XYLT1: variants seen among roughly 807,000 people sequenced by gnomAD.
XYLT1 encodes the protein xylosyltransferase 1.
In XYLT1, 36 loss-of-function variants were observed where a neutral mutation model predicts 91.3. The ratio of observed to expected loss-of-function variants is 0.39; its 90% CI spans 0.30 to 0.52. The LOEUF is 0.52. Among genes scored for constraint, XYLT1 ranks in the 20% least tolerant of loss-of-function variants. XYLT1 has a pLI of 0.68. For synonymous variants in XYLT1, 588 were observed against 532.0 expected (o/e 1.11, Z -1.45); for missense variants, 1,242 against 1,284.5 (o/e 0.97, Z 0.51).
intron 1 of XYLT1, among the ~76,000 whole-genome samples, chr16:17,455,457 T>A (rs2036727912): frequency 6.6e-6 from 1 of 152,132 alleles, no homozygotes; most frequent in African/African-American, 2.4e-5. Flanking sequence ...CTTAAGAATA[T>A]TTAATAATAA....
At chr16:17,300,585 T>A (rs535631662) in intron 2 of XYLT1, among the ~76,000 whole-genome samples, 1 of 143,308 alleles carries the variant, frequency 7.0e-6, no homozygotes, top group South Asian at 2.2e-4. Flanking sequence ...GCCTCCCGAG[T>A]GGCTGGGGTT....
intron 1 of XYLT1, among the ~76,000 whole-genome samples, chr16:17,453,080 C>T (rs1417364448): frequency 1.3e-5 from 2 of 152,188 alleles, no homozygotes; most frequent in African/African-American, 4.8e-5. Flanking sequence ...AGCTTTGCAG[C>T]CCTATTTTAA....
intron 3 of XYLT1, among the ~76,000 whole-genome samples, chr16:17,203,757 G>A (rs1405664474): frequency 2.6e-5 from 4 of 152,122 alleles, no homozygotes; most frequent in African/African-American, 9.7e-5. Flanking sequence ...CAAGCATACA[G>A]CAAACCCTCC....
At chr16:17,245,982 T>A (rs1299457097) in intron 3 of XYLT1, among the ~76,000 whole-genome samples, 1 of 152,122 alleles carries the variant, frequency 6.6e-6, no homozygotes, top group Non-Finnish European at 1.5e-5. Context: ...TGTGGGTGGG[T>A]CTCATTGCAA....
intron 1 of XYLT1, among the ~76,000 whole-genome samples, chr16:17,396,118 A>G (rs1046567159): frequency 6.6e-6 from 1 of 152,196 alleles, no homozygotes; most frequent in Admixed American, 6.5e-5. Flanking sequence ...AGACTCTCTG[A>G]GTCTATTTAG....
intron 8 of XYLT1, 135 bp downstream of exon 8, chr16:17,138,220 A>T: frequency 1.2e-6 from 1 of 860,976 alleles, no homozygotes; most frequent in Non-Finnish European, 1.6e-6. Flanking sequence ...TGATACTGTT[A>T]ACTATTATTA....
intron 5 of XYLT1, among the ~76,000 whole-genome samples, chr16:17,184,953 G>A (rs1028718508): frequency 1.6e-4 from 25 of 152,178 alleles, no homozygotes; most frequent in African/African-American, 6.0e-4. Flanking sequence ...GGCATCCCTT[G>A]GGTGAAGCAG....
intron 7 of XYLT1, among the ~76,000 whole-genome samples, chr16:17,140,950 T>C (rs1330597112): frequency 6.6e-6 from 1 of 151,874 alleles, no homozygotes; most frequent in Non-Finnish European, 1.5e-5. Context: ...CTGCCGGTGG[T>C]AGCACCGTGT....
intron 6 of XYLT1, among the ~76,000 whole-genome samples, chr16:17,157,964 G>A (rs1260154227): frequency 6.6e-6 from 1 of 152,158 alleles, no homozygotes; most frequent in Non-Finnish European, 1.5e-5. Flanking sequence ...GGTCAGGCTG[G>A]TCTCAAACTC....
rs9930472 is a variant in XYLT1 at position 17,279,125 on chromosome 16, A to G, written c.403-19627T>C. On this transcript the variant is annotated intron_variant, in intron 2 of 11. Coordinates refer to ENST00000261381, the MANE Select transcript of XYLT1 (RefSeq NM_022166.4). ...GACAGCATTTCCTGTGCCTTTTTAA[A>G]TTTAATCCTCTTCACAGCCCTCTCA... Among the ~76,000 whole-genome samples, 1,154 of 152,266 alleles carry G rather than the reference A, an allele frequency of 7.6e-3. 15 individuals are homozygous for G. The highest frequency in any genetic ancestry group is 0.026 in the African/African-American group (1,097 of 41,530).
intron 2 of XYLT1, among the ~76,000 whole-genome samples, chr16:17,328,712 G>A (rs187072949): frequency 7.9e-5 from 12 of 152,100 alleles, no homozygotes; most frequent in African/African-American, 2.2e-4. Flanking sequence ...ATGCCCGTGC[G>A]CAACCATCAG....
chr16:17,259,404 C>T lies in XYLT1; in HGVS notation c.497G>A (p.Ser166Asn), dbSNP rs1287228969. The part of the protein sequence containing the change: ...VPKDFENVDN[S>N]NFAPRTQKQK... ...CTTTTGAGTCCTGGGTGCGAAGTTG[C>T]TGTTGTCGACATTCTCAAAGTCTTT... is the stretch of plus-strand genomic sequence containing the variant. Residue 166 changes from serine (S) to asparagine (N), a missense_variant, in exon 3 of 12, where the codon AGC becomes AAC. Ser to Asn is a conservative substitution (Grantham distance 46, BLOSUM62 1). Transcript: ENST00000261381. 3 of 1,614,136 alleles carry T rather than the reference C, an allele frequency of 1.9e-6. No individual in the cohort carries two copies. Among genetic ancestry groups the T allele is most frequent in the African/African-American group, 2.7e-5 (2 of 75,036 alleles).
intron 2 of XYLT1, among the ~76,000 whole-genome samples, chr16:17,297,749 C>T (rs955495858): frequency 1.3e-5 from 2 of 151,916 alleles, no homozygotes; most frequent in Non-Finnish European, 2.9e-5. Flanking sequence ...AGGCCGGGCG[C>T]GGTGGCTCAC....
chr16:17,340,485 G>A (rs368175666), intron 2 of XYLT1, among the ~76,000 whole-genome samples: 27 of 152,274 alleles, frequency 1.8e-4, no homozygotes, highest in African/African-American at 6.0e-4. Context: ...TTCTGCTTTC[G>A]AGGTATCACA....
intron 2 of XYLT1, among the ~76,000 whole-genome samples, chr16:17,269,479 A>G (rs62033193): frequency 0.11 from 17,447 of 152,200 alleles, 1,129 homozygotes; most frequent in Non-Finnish European, 0.14. Flanking sequence ...GCCTGGCCTG[A>G]AACACTAACA....
At chr16:17,162,720 T>C (rs1053843195) in intron 5 of XYLT1, among the ~76,000 whole-genome samples, 4 of 152,222 alleles carry the variant, frequency 2.6e-5, no homozygotes, top group Non-Finnish European at 5.9e-5. Flanking sequence ...ACCCAATACC[T>C]ATTGAGCAAC....
At chr16:17,330,789 C>G (rs2034885372) in intron 2 of XYLT1, among the ~76,000 whole-genome samples, 1 of 150,408 alleles carries the variant, frequency 6.6e-6, no homozygotes, top group Admixed American at 6.6e-5. Context: ...GCAAGACTCC[C>G]TCTCGGAAAA....
intron 1 of XYLT1, among the ~76,000 whole-genome samples, chr16:17,388,764 G>T (rs1268806613): frequency 6.6e-6 from 1 of 152,182 alleles, no homozygotes; most frequent in Non-Finnish European, 1.5e-5. Flanking sequence ...GTTTGGGGAA[G>T]AAAGGATGGT....
intron 5 of XYLT1, among the ~76,000 whole-genome samples, chr16:17,166,209 C>A (rs1288829361): frequency 6.6e-6 from 1 of 152,254 alleles, no homozygotes; most frequent in Non-Finnish European, 1.5e-5. Flanking sequence ...GAACCATCCT[C>A]TCCCATGCCT....
Sources: allele counts gnomAD v4.1 joint callset (sites outside exome capture counted in the v4.1 genomes callset), GRCh38; gene constraint gnomAD v4.1.1; transcripts MANE v1.5; gene names NCBI Gene and HGNC (gene_info 2026-07-23, HGNC 2026-07-21).